The following PRCD variants were observed in gnomAD, a reference collection of about 807,000 sequenced individuals.
PRCD encodes the protein photoreceptor disc component, also known as photoreceptor disk component PRCD.
In PRCD, 12 loss-of-function variants were observed where a neutral mutation model predicts 10.1. That is an observed-to-expected ratio of 1.18 (90% CI 0.76 to 1.92). The LOEUF (loss-of-function observed/expected upper bound fraction) is 1.92, where lower values mean the gene tolerates loss of function less well. Ranked by LOEUF, PRCD falls within the 40% of genes most tolerant of loss-of-function variation. The pLI, the probability that PRCD is intolerant of heterozygous loss-of-function variation, is 0.00. For synonymous variants in PRCD, 31 were observed against 26.2 expected (o/e 1.18, Z -0.56); for missense variants, 61 against 72.2 (o/e 0.84, Z 0.56).
chr17:76,536,717 G>A (rs774438718), upstream of PRCD, among the ~76,000 whole-genome samples: 1 of 152,094 alleles, frequency 6.6e-6, no homozygotes, highest in African/African-American at 2.4e-5. Flanking sequence ...GGAGGTTTTA[G>A]GGTTAGGCCC....
At chr17:76,534,321 G>A (rs2074890135) in intron 1 of PRCD, among the ~76,000 whole-genome samples, 1 of 152,084 alleles carries the variant, frequency 6.6e-6, no homozygotes, top group Non-Finnish European at 1.5e-5. Context: ...TGGGATTACA[G>A]GTGCCCGCCA....
At position 76,531,670 on chromosome 17, in the gene PRCD, C is replaced by T. The variant is rs759951086; in HGVS notation, n.45+3837C>T. 7.1e-5 allele frequency: 113 copies of T among 1,596,652 alleles called. No homozygotes were observed. Among genetic ancestry groups the T allele is most frequent in the Non-Finnish European group, 8.8e-5 (103 of 1,165,730 alleles). ...TGAACTGGCTGAAGTACTGCTTGGC[C>T]GAGGGGAAGTTCACAAAGAACCTGG... On this transcript the variant is annotated intron_variant and non_coding_transcript_variant, in intron 1 of 4. Coordinates refer to the PRCD transcript ENST00000397633. This position sits in a 1 kb window ranked among gnomAD's most constrained non-coding sequence, Gnocchi z 7.4.
chr17:76,533,476 G>A lies in PRCD; in HGVS notation n.45+5643G>A, dbSNP rs9902524. On this transcript the variant is annotated intron_variant and non_coding_transcript_variant, in intron 1 of 4. Coordinates refer to the PRCD transcript ENST00000397633. This position sits in a 1 kb window ranked among gnomAD's most constrained non-coding sequence, Gnocchi z 4.5. ...ACGGTGGCTCACGCCTATAATCCTA[G>A]CACTTTACGAGGCCGAGGCGGGTGG... is the stretch of plus-strand genomic sequence containing the variant. Among the ~76,000 whole-genome samples, 29,831 of 152,204 alleles carry A rather than the reference G, an allele frequency of 0.2. 3,025 individuals are homozygous for A. The highest frequency in any genetic ancestry group is 0.28 in the South Asian group (1,366 of 4,828).
chr17:76,534,229 T>C (rs1209978005), intron 1 of PRCD, among the ~76,000 whole-genome samples: 1 of 149,500 alleles, frequency 6.7e-6, no homozygotes, highest in African/African-American at 2.4e-5. Flanking sequence ...CAGGCTGCAG[T>C]GCACTGGTGC....
At chr17:76,538,691 C>T (rs1470054877), upstream of PRCD, among the ~76,000 whole-genome samples, 2 of 152,244 alleles carry the variant, frequency 1.3e-5, no homozygotes, top group Admixed American at 1.3e-4. Context: ...ATCCTTCCTC[C>T]TGGTGGGCCC....
downstream of PRCD, among the ~76,000 whole-genome samples, chr17:76,548,490 A>T (rs2075078168): frequency 6.6e-6 from 1 of 152,238 alleles, no homozygotes; most frequent in Non-Finnish European, 1.5e-5. Context: ...GGTTGGTCCT[A>T]TAGGAAGGCC....
Position 76,542,469 on chromosome 17 carries a change from G to A in PRCD, c.144-84G>A, listed in dbSNP as rs1277866803. ...CTCAATATTGGGGTGAATTGATAGG[G>A]ATGGGAGGAGGAGGAAGAGGAGAGT... On this transcript the variant is annotated intron_variant, in intron 2 of 4. Coordinates refer to ENST00000592014, the MANE Select transcript of PRCD (RefSeq NM_001077620.3). 7 of 1,504,334 alleles carry A rather than the reference G, an allele frequency of 4.7e-6. No homozygotes were observed. The African/African-American group carries it at 8.2e-5, about 18-fold the overall frequency. 93.2% of individuals were successfully genotyped at this position (1,504,334 alleles called of 1,614,324 possible).
chr17:76,552,913 T>TAA (rs1466634604), intron 1 of PRCD: 11 of 135,766 alleles, frequency 8.1e-5, no homozygotes, highest in South Asian at 7.1e-4. Context: ...TATATATATA[T>TAA]AAAACATGTA....
Position 76,541,784 on chromosome 17 carries a change from G to A in PRCD, c.144-769G>A, listed in dbSNP as rs191355182. Among the ~76,000 whole-genome samples, 71 of 152,282 alleles carry A rather than the reference G, an allele frequency of 4.7e-4. 1 individual carries two copies. The South Asian group carries it at 8.3e-3, about 18-fold the overall frequency. On this transcript the variant is annotated intron_variant, in intron 2 of 4. Transcript: ENST00000592014. ...CGCTATTGAGCCCGGGTCTAGAGTTGGGCAGGGAGAATTTAAATTCTGGCT... is the reference window on the plus strand; with the variant it reads ...CGCTATTGAGCCCGGGTCTAGAGTTAGGCAGGGAGAATTTAAATTCTGGCT...
chr17:76,528,582 G>A lies in PRCD; in HGVS notation n.45+749G>A, dbSNP rs1167623604. 6 of 1,286,486 alleles carry A rather than the reference G, an allele frequency of 4.7e-6. No homozygotes were observed. Among genetic ancestry groups the A allele is most frequent in the African/African-American group, 3.1e-5 (2 of 65,506 alleles). The allele number at this position is 1,286,486 out of a possible 1,614,324, so 79.7% of individuals were successfully genotyped here. A position where few individuals can be genotyped will look rare whatever the true frequency, so the allele number is the denominator to read the frequency against. ...AGGGGGGTGGAGTTAGGGGTCCTAC[G>A]GCCCCGAAGAGGGCAGTGTGGCCGG... On this transcript the variant is annotated intron_variant and non_coding_transcript_variant, in intron 1 of 4. Transcript: ENST00000397633. This position sits in a 1 kb window ranked among gnomAD's most constrained non-coding sequence, Gnocchi z 5.8.
chr17:76,544,037 C>T lies in PRCD; in HGVS notation c.*387C>T, dbSNP rs1395738485. On this transcript the variant is annotated 3_prime_UTR_variant, in exon 5 of 5. Transcript: ENST00000592014. Reference sequence around the variant, plus strand: ...TGCTGATGCTCAGTCCCGGCGGCTGCCTCCTTTGCCCCCAGCTGCTCTGCC... The same window carrying T: ...TGCTGATGCTCAGTCCCGGCGGCTGTCTCCTTTGCCCCCAGCTGCTCTGCC... 4.4e-6 allele frequency: 2 copies of T among 454,832 alleles called. No homozygotes were observed. Among genetic ancestry groups the T allele is most frequent in the African/African-American group, 4.0e-5 (2 of 49,994 alleles). The allele number at this position is 454,832 out of a possible 1,614,324, so 28.2% of individuals were successfully genotyped here.
chr17:76,540,488 A>G lies in PRCD; in HGVS notation c.75-17A>G. The G allele has an allele frequency of 1.2e-6, 2 of 1,612,318 alleles. No individual in the cohort carries two copies. The highest frequency in any genetic ancestry group is 8.5e-7 in the Non-Finnish European group (1 of 1,179,374). On this transcript the variant is annotated splice_polypyrimidine_tract_variant and intron_variant, in intron 1 of 4. Coordinates refer to ENST00000592014, the MANE Select transcript of PRCD (RefSeq NM_001077620.3). The surrounding 1 kb of genome is among the most constrained non-coding windows in gnomAD (Gnocchi z 5.0). ...GGCACAGCCATAGCTCTTCCTCCCT[A>G]CTCTTGCCTCCCACAGAGAGCCCAG...
Position 76,531,988 on chromosome 17 carries a change from T to A in PRCD, n.45+4155T>A, listed in dbSNP as rs1294406183. On this transcript the variant is annotated intron_variant and non_coding_transcript_variant, in intron 1 of 4. Transcript: ENST00000397633. This position sits in a 1 kb window ranked among gnomAD's most constrained non-coding sequence, Gnocchi z 7.4. Reference sequence around the variant, plus strand: ...TTCCTTCCCAAACTCTACACCCCCTTCAAGCCCTGCTCTAGTCATAGCCGA... The same window carrying A: ...TTCCTTCCCAAACTCTACACCCCCTACAAGCCCTGCTCTAGTCATAGCCGA... 1 of 310,720 alleles carries A rather than the reference T, an allele frequency of 3.2e-6. No homozygotes were observed. The highest frequency in any genetic ancestry group is 2.1e-5 in the African/African-American group (1 of 48,056). 19.2% of individuals were successfully genotyped at this position (310,720 alleles called of 1,614,324 possible).
upstream of PRCD, among the ~76,000 whole-genome samples, chr17:76,536,215 C>T (rs1313637370): frequency 1.3e-5 from 2 of 152,216 alleles, no homozygotes; most frequent in African/African-American, 4.8e-5. Context: ...GTGCTTCCTG[C>T]TCTTTTTCCT....
chr17:76,527,709 C>A (rs8189), upstream of PRCD: 640 of 453,850 alleles, frequency 1.4e-3, 3 homozygotes, highest in African/African-American at 0.011. Context: ...CCGGATCCCC[C>A]GGGGCTGCCC....
intron 2 of PRCD, among the ~76,000 whole-genome samples, chr17:76,541,264 G>T (rs2074990053): frequency 6.6e-6 from 1 of 152,214 alleles, no homozygotes; most frequent in African/African-American, 2.4e-5. Context: ...CATGCATGAG[G>T]GGTTCCTTCT....
Position 76,530,836 on chromosome 17 carries a change from C to T in PRCD, n.45+3003C>T. On this transcript the variant is annotated intron_variant and non_coding_transcript_variant, in intron 1 of 4. Coordinates refer to the PRCD transcript ENST00000397633. This position sits in a 1 kb window ranked among gnomAD's most constrained non-coding sequence, Gnocchi z 6.1. The stretch of plus-strand genomic sequence containing the variant: ...GCCTTTCCTATTATGCCTGTTCTTA[C>T]ATGTCAGACCCCAGGGTTGGCCTGC... The T allele has an allele frequency of 2.3e-6, 2 of 858,636 alleles. No individual in the cohort carries two copies. The highest frequency in any genetic ancestry group is 2.1e-5 in the South Asian group (1 of 48,660). The allele number at this position is 858,636 out of a possible 1,614,324, so 53.2% of individuals were successfully genotyped here.
chr17:76,527,772 T>C (rs1396355671), upstream of PRCD: 1 of 453,910 alleles, frequency 2.2e-6, no homozygotes, highest in Admixed American at 2.4e-5. Context: ...CTGAGGCCCC[T>C]CCCCCAGTGC....
downstream of PRCD, among the ~76,000 whole-genome samples, chr17:76,547,911 TTCAC>T (rs2075070292): frequency 8.8e-6 from 1 of 114,120 alleles, no homozygotes; most frequent in African/African-American, 4.8e-5. Context: ...ACATAACACA[TTCAC>T]ACACACATAC....
Sources: gnomAD v4.1 joint callset for allele counts (sites outside exome capture counted in the v4.1 genomes callset) on GRCh38, gnomAD v4.1.1 for gene constraint, Gnocchi (gnomAD v3.1) non-coding constraint, MANE v1.5 for transcripts, NCBI Gene and HGNC (gene_info 2026-07-23, HGNC 2026-07-21) for gene names.